Variants in SND1 observed in about 807,000 individuals in gnomAD.
The protein encoded by SND1 is staphylococcal nuclease and tudor domain containing 1.
A neutral mutation model predicts 121.7 loss-of-function variants in SND1; 38 were observed. The ratio of observed to expected loss-of-function variants is 0.31; its 90% CI spans 0.24 to 0.41. The LOEUF is 0.41. Ranked by LOEUF, SND1 falls within the 10% of genes least tolerant of loss-of-function variation. SND1 has a pLI of 1.00. For synonymous variants in SND1, 401 were observed against 447.4 expected (o/e 0.90, Z 1.31); for missense variants, 868 against 1,184.6 (o/e 0.73, Z 3.92).
chr7:128,013,092 G>T (rs753752400), intron 16 of SND1, among the ~76,000 whole-genome samples: 5 of 152,146 alleles, frequency 3.3e-5, no homozygotes, highest in Non-Finnish European at 5.9e-5. Flanking sequence ...ACACTGTCCA[G>T]TGCTACATCC....
At chr7:127,973,387 G>A (rs1310904616) in intron 15 of SND1, among the ~76,000 whole-genome samples, 1 of 152,172 alleles carries the variant, frequency 6.6e-6, no homozygotes, top group African/African-American at 2.4e-5. Context: ...GGAGTGGGAA[G>A]CAGCTAAGAA....
chr7:128,090,728 T>C (rs1793765331), intron 22 of SND1, among the ~76,000 whole-genome samples: 1 of 152,108 alleles, frequency 6.6e-6, no homozygotes, highest in Non-Finnish European at 1.5e-5. Context: ...CAAGCCCACA[T>C]AATGTGTCGG....
intron 16 of SND1, chr7:128,000,050 G>A (rs138727901): frequency 7.5e-6 from 1 of 134,042 alleles, no homozygotes; most frequent in African/African-American, 2.9e-5. Context: ...AATAGTCACT[G>A]CTTCTTGAGC....
intron 17 of SND1, 100 bp downstream of exon 17, chr7:128,074,790 A>C (rs1793478742): frequency 8.5e-7 from 1 of 1,174,258 alleles, no homozygotes; most frequent in South Asian, 1.5e-5. Flanking sequence ...TCTCATCCCC[A>C]CAGAGTAGCC....
At chr7:127,942,232 T>C (rs79200129) in intron 15 of SND1, among the ~76,000 whole-genome samples, 9,367 of 152,210 alleles carry the variant, frequency 0.062, 846 homozygotes, top group African/African-American at 0.2. Flanking sequence ...AAGGAAATAG[T>C]GTATGCCTTC....
chr7:127,858,003 C>G lies in SND1; in HGVS notation c.1343+13579C>G. The G allele has an allele frequency of 2.1e-6, 3 of 1,456,410 alleles. 1 individual carries two copies. The highest frequency in any genetic ancestry group is 1.1e-5 in the South Asian group (1 of 87,950). The allele number at this position is 1,456,410 out of a possible 1,614,324, so 90.2% of individuals were successfully genotyped here. A position where few individuals can be genotyped will look rare whatever the true frequency, so the allele number is the denominator to read the frequency against. On this transcript the variant is annotated intron_variant, in intron 12 of 23. Coordinates refer to ENST00000354725, the MANE Select transcript of SND1 (RefSeq NM_014390.4). ...AGGGCCCATGCAGCTCGGCATCCCCCGGGTTCTCCCACTTATATTCCCACA... is the reference window on the plus strand; with the variant it reads ...AGGGCCCATGCAGCTCGGCATCCCCGGGGTTCTCCCACTTATATTCCCACA...
intron 14 of SND1, among the ~76,000 whole-genome samples, chr7:127,915,442 ATC>A (rs1449736929): frequency 2.0e-5 from 3 of 152,112 alleles, no homozygotes; most frequent in African/African-American, 7.2e-5. Context: ...CTGCCTCTTT[ATC>A]TCTTTTTTGA....
At chr7:127,939,065 G>T (rs1187133590) in intron 15 of SND1, among the ~76,000 whole-genome samples, 1 of 152,106 alleles carries the variant, frequency 6.6e-6, no homozygotes, top group Non-Finnish European at 1.5e-5. Context: ...ATACAAATGA[G>T]AACAGCTCAG....
chr7:128,038,164 A>G (rs1792786315), intron 16 of SND1, among the ~76,000 whole-genome samples: 7 of 152,260 alleles, frequency 4.6e-5, no homozygotes, highest in Admixed American at 4.6e-4. Flanking sequence ...CACACAGTGT[A>G]TGCTTAAAAT....
In SND1 at chr7:127,913,578, TC is replaced by T. The variant is rs1800505658; in HGVS notation, c.1527+8760del. ...TTCTCTGGGTGTATGTAGATAACAC[TC>T]TATGATTCTATTTCATGGGTCAAAA... On this transcript the variant is annotated intron_variant, in intron 14 of 23. Coordinates refer to ENST00000354725, the MANE Select transcript of SND1 (RefSeq NM_014390.4). 3.3e-5 allele frequency among the ~76,000 whole-genome samples: 5 copies of T among 152,324 alleles called. No homozygotes were observed. In the South Asian group the frequency reaches 1.0e-3, roughly 32 times the overall value.
chr7:127,744,420 A>G (rs996072871), intron 10 of SND1, among the ~76,000 whole-genome samples: 4 of 152,132 alleles, frequency 2.6e-5, no homozygotes, highest in African/African-American at 9.7e-5. Flanking sequence ...TAGGTACGTC[A>G]CAGTTTTTAT....
Position 128,029,894 on chromosome 7 carries a change from G to C in SND1, c.1779+38838G>C. The C allele has an allele frequency of 6.2e-7, 1 of 1,613,300 alleles. No individual in the cohort carries two copies. The highest frequency in any genetic ancestry group is 8.5e-7 in the Non-Finnish European group (1 of 1,180,024). On this transcript the variant is annotated intron_variant, in intron 16 of 23. Transcript: ENST00000354725. This position sits in a 1 kb window ranked among gnomAD's most constrained non-coding sequence, Gnocchi z 4.2. ...CAATCAGGCTGACCTGTGAGTTCATGACCCAGAGCTTCTTGAGGGAGCTCA... is the reference window on the plus strand; with the variant it reads ...CAATCAGGCTGACCTGTGAGTTCATCACCCAGAGCTTCTTGAGGGAGCTCA...
At chr7:127,716,098 G>A (rs935102257) in intron 9 of SND1, among the ~76,000 whole-genome samples, 3 of 152,194 alleles carry the variant, frequency 2.0e-5, no homozygotes, top group Admixed American at 6.5e-5. Flanking sequence ...GTACCATGTG[G>A]TATTGATTAC....
At chr7:127,682,791 T>G (rs1795749900) in intron 1 of SND1, among the ~76,000 whole-genome samples, 1 of 152,236 alleles carries the variant, frequency 6.6e-6, no homozygotes, top group African/African-American at 2.4e-5. Flanking sequence ...TTTGTCTGCT[T>G]TGTTTCACTG....
chr7:127,737,875 C>T (rs1456982914), intron 10 of SND1, among the ~76,000 whole-genome samples: 1 of 152,220 alleles, frequency 6.6e-6, no homozygotes, highest in Non-Finnish European at 1.5e-5. Context: ...ATCTCAAATA[C>T]ACTTTAAGGC....
chr7:127,685,552 C>T (rs879608927), intron 1 of SND1, among the ~76,000 whole-genome samples: 6 of 152,186 alleles, frequency 3.9e-5, no homozygotes, highest in Non-Finnish European at 8.8e-5. Flanking sequence ...TATGTGTCTT[C>T]TTCCCTTCTT....
chr7:127,944,302 G>A (rs1584685020), intron 15 of SND1, among the ~76,000 whole-genome samples: 1 of 152,360 alleles, frequency 6.6e-6, no homozygotes, highest in East Asian at 1.9e-4. Context: ...CCGCCCACCA[G>A]AGTCACTAGC....
At chr7:127,764,183 CTG>C (rs1279508756) in intron 10 of SND1, among the ~76,000 whole-genome samples, 1 of 151,906 alleles carries the variant, frequency 6.6e-6, no homozygotes, top group African/African-American at 2.4e-5. Flanking sequence ...TAATTCTAAA[CTG>C]AATATTAGCG....
intron 10 of SND1, among the ~76,000 whole-genome samples, chr7:127,723,741 A>G (rs1796536016): frequency 6.6e-6 from 1 of 152,228 alleles, no homozygotes. Context: ...GCTGTCCAAC[A>G]GATATATAAA....
Sources: gnomAD v4.1 joint callset for allele counts (sites outside exome capture counted in the v4.1 genomes callset) on GRCh38, gnomAD v4.1.1 for gene constraint, Gnocchi (gnomAD v3.1) non-coding constraint, MANE v1.5 for transcripts, NCBI Gene and HGNC (gene_info 2026-07-23, HGNC 2026-07-21) for gene names.